Variants in KIAA1328 observed in about 807,000 individuals in gnomAD.
The protein encoded by KIAA1328 is KIAA1328.
A neutral mutation model predicts 68.1 loss-of-function variants in KIAA1328; 52 were observed. The ratio of observed to expected loss-of-function variants is 0.76; its 90% CI spans 0.61 to 0.96. KIAA1328 has a LOEUF of 0.96. Ranked by LOEUF, KIAA1328 falls within the 40% of genes least tolerant of loss-of-function variation. The pLI, the probability that KIAA1328 is intolerant of heterozygous loss-of-function variation, is 0.00. For missense variants in KIAA1328, 641 were observed against 677.6 expected (o/e 0.95, Z 0.60); for synonymous variants, 232 against 239.4 (o/e 0.97, Z 0.28).
At chr18:36,879,020 A>G (rs543195311) in intron 4 of KIAA1328, among the ~76,000 whole-genome samples, 3 of 152,242 alleles carry the variant, frequency 2.0e-5, no homozygotes, top group East Asian at 1.9e-4. Flanking sequence ...ACTTCTGTCA[A>G]TTCGTCAAAC....
chr18:36,913,850 A>G (rs1030605125), intron 5 of KIAA1328, among the ~76,000 whole-genome samples: 1 of 152,182 alleles, frequency 6.6e-6, no homozygotes, highest in East Asian at 1.9e-4. Context: ...AATCTGAAGA[A>G]GGGTCACCAT....
intron 6 of KIAA1328, among the ~76,000 whole-genome samples, chr18:36,999,172 C>A (rs563555354): frequency 6.6e-6 from 1 of 152,118 alleles, no homozygotes; most frequent in Non-Finnish European, 1.5e-5. Flanking sequence ...CTAAATCAGG[C>A]AGAAGGAACA....
intron 6 of KIAA1328, among the ~76,000 whole-genome samples, chr18:37,049,266 G>A (rs1325944005): frequency 1.3e-5 from 2 of 152,194 alleles, no homozygotes; most frequent in Non-Finnish European, 2.9e-5. Context: ...CTCTTGCGGT[G>A]CCTGGGAAGG....
chr18:37,087,404 A>AT (rs1327165895), intron 7 of KIAA1328, among the ~76,000 whole-genome samples: 1 of 152,106 alleles, frequency 6.6e-6, no homozygotes, highest in Non-Finnish European at 1.5e-5. Flanking sequence ...TAGAAAGGCC[A>AT]TTTTTTAAAA....
chr18:36,904,469 T>C (rs1008115307), intron 5 of KIAA1328, among the ~76,000 whole-genome samples: 6 of 152,116 alleles, frequency 3.9e-5, no homozygotes, highest in African/African-American at 1.4e-4. Context: ...TTTATCATTA[T>C]GAAATTACCT....
chr18:37,006,505 A>C, intron 6 of KIAA1328, among the ~76,000 whole-genome samples: 1 of 152,134 alleles, frequency 6.6e-6, no homozygotes, highest in East Asian at 1.9e-4. Context: ...TTATTTATTT[A>C]ATAGTTGTAT....
rs35995627 is a variant in KIAA1328, at chr18:36,916,207, T to TTATA, written c.448+30543_448+30546dup. Reference sequence around the variant, plus strand: ...GCTTTTCTCACACTGGGATTCCAATTTATATATATATGTACCTGCTAATAT... The same window carrying TTATA: ...GCTTTTCTCACACTGGGATTCCAATTTATATATATATATATGTACCTGCTAATAT... On this transcript the variant is annotated intron_variant, in intron 5 of 9. Transcript: ENST00000280020. 9.6e-3 allele frequency among the ~76,000 whole-genome samples: 1,448 copies of TTATA among 151,484 alleles called. 25 individuals are homozygous for TTATA. Among genetic ancestry groups the TTATA allele is most frequent in the African/African-American group, 0.034 (1,392 of 41,402 alleles).
chr18:36,926,870 T>G (rs2050137532), intron 5 of KIAA1328, among the ~76,000 whole-genome samples: 1 of 152,180 alleles, frequency 6.6e-6, no homozygotes, highest in African/African-American at 2.4e-5. Flanking sequence ...GGAAGCATTG[T>G]CCCGGCATCT....
intron 5 of KIAA1328, among the ~76,000 whole-genome samples, chr18:36,893,071 TATATAA>T (rs908135853): frequency 1.2e-3 from 181 of 152,280 alleles, no homozygotes; most frequent in African/African-American, 4.2e-3. Flanking sequence ...TTTTTGAAAT[TATATAA>T]ATGTAACCAT....
chr18:36,881,814 A>G (rs1481200615), intron 4 of KIAA1328, among the ~76,000 whole-genome samples: 1 of 152,190 alleles, frequency 6.6e-6, no homozygotes, highest in African/African-American at 2.4e-5. Flanking sequence ...TTGCTGAATA[A>G]CTTTCCATTG....
chr18:36,848,541 C>CTTTTT (rs59271370), intron 4 of KIAA1328, among the ~76,000 whole-genome samples: 480 of 38,132 alleles, frequency 0.013, 66 homozygotes, highest in African/African-American at 0.032. Flanking sequence ...TCTATAGATG[C>CTTTTT]TTTTTTTTTT....
At chr18:37,073,999 A>G (rs1441624945) in intron 7 of KIAA1328, among the ~76,000 whole-genome samples, 1 of 152,136 alleles carries the variant, frequency 6.6e-6, no homozygotes, top group East Asian at 1.9e-4. Context: ...CTCTAACACC[A>G]CCCCAGTGAA....
At chr18:36,931,285 T>G (rs573976262) in intron 5 of KIAA1328, among the ~76,000 whole-genome samples, 1 of 152,208 alleles carries the variant, frequency 6.6e-6, no homozygotes, top group South Asian at 2.1e-4. Context: ...CAGCAGGAGA[T>G]GAGAGCTGGT....
chr18:37,146,587 G>A (rs1003314454), intron 7 of KIAA1328, among the ~76,000 whole-genome samples: 1 of 151,922 alleles, frequency 6.6e-6, no homozygotes, highest in Admixed American at 6.6e-5. Context: ...TATTCCTCTG[G>A]GTGTATACAC....
At chr18:37,029,145 C>T (rs1043947384) in intron 6 of KIAA1328, among the ~76,000 whole-genome samples, 1 of 151,912 alleles carries the variant, frequency 6.6e-6, no homozygotes, top group Non-Finnish European at 1.5e-5. Context: ...ATCCATCTTC[C>T]CCAGGGCTTT....
intron 7 of KIAA1328, among the ~76,000 whole-genome samples, chr18:37,149,608 A>T (rs553466257): frequency 6.6e-6 from 1 of 152,298 alleles, no homozygotes; most frequent in South Asian, 2.1e-4. Context: ...TTGTAACACT[A>T]TGGTAAGTAT....
At chr18:36,918,620 G>A (rs1425702654) in intron 5 of KIAA1328, among the ~76,000 whole-genome samples, 1 of 151,940 alleles carries the variant, frequency 6.6e-6, no homozygotes, top group Admixed American at 6.6e-5. Context: ...TCACCATGTG[G>A]GCCAGGCTGG....
intron 5 of KIAA1328, among the ~76,000 whole-genome samples, chr18:36,931,849 TTTTA>T (rs1294592792): frequency 1.3e-5 from 2 of 151,948 alleles, no homozygotes; most frequent in Non-Finnish European, 2.9e-5. Flanking sequence ...TAATTTTTAG[TTTTA>T]TTTGTTTTAA....
chr18:36,905,081 ATATTTATTTATTTATT>A (rs55910118), intron 5 of KIAA1328, among the ~76,000 whole-genome samples: 19,375 of 142,524 alleles, frequency 0.14, 1,663 homozygotes, highest in Non-Finnish European at 0.18. Context: ...TTGTAAGGAG[ATATTTATTTATTTATT>A]TATTTATTTA....
Sources: gnomAD v4.1 joint callset for allele counts (sites outside exome capture counted in the v4.1 genomes callset) on GRCh38, gnomAD v4.1.1 for gene constraint, MANE v1.5 for transcripts, NCBI Gene and HGNC (gene_info 2026-07-23, HGNC 2026-07-21) for gene names.